The following SPOCK3 variants were observed in gnomAD, a reference collection of about 807,000 sequenced individuals.
SPOCK3 encodes SPARC (osteonectin), cwcv and kazal like domains proteoglycan 3, also known as testican-3.
SPOCK3 carries 30 observed loss-of-function variants against 56.6 expected under a neutral mutation model. That is an observed-to-expected ratio of 0.53 (90% CI 0.40 to 0.72). SPOCK3 has a LOEUF of 0.72. Ranked by LOEUF, SPOCK3 falls within the 30% of genes least tolerant of loss-of-function variation. The pLI is 0.00. For synonymous variants in SPOCK3, 196 were observed against 183.3 expected (o/e 1.07, Z -0.56); for missense variants, 527 against 530.0 (o/e 0.99, Z 0.06).
At chr4:167,055,812 G>A (rs1754757974) in intron 3 of SPOCK3, among the ~76,000 whole-genome samples, 1 of 152,200 alleles carries the variant, frequency 6.6e-6, no homozygotes, top group Admixed American at 6.5e-5. Flanking sequence ...CTTGAACTGG[G>A]TGGAGCCCAC....
At chr4:167,163,125 C>G (rs999873873) in intron 2 of SPOCK3, among the ~76,000 whole-genome samples, 1 of 146,676 alleles carries the variant, frequency 6.8e-6, no homozygotes, top group Non-Finnish European at 1.5e-5. Flanking sequence ...TTTTGTACTA[C>G]TTGAATGCAA....
chr4:167,002,867 T>G (rs1749084367), intron 3 of SPOCK3, among the ~76,000 whole-genome samples: 1 of 152,198 alleles, frequency 6.6e-6, no homozygotes, highest in Non-Finnish European at 1.5e-5. Flanking sequence ...CTAAAATCAC[T>G]TTTTAAAATT....
chr4:167,106,564 T>C (rs764933473), intron 2 of SPOCK3, among the ~76,000 whole-genome samples: 2 of 151,574 alleles, frequency 1.3e-5, no homozygotes, highest in Non-Finnish European at 3.0e-5. Flanking sequence ...AATGTAATGA[T>C]GTATCTTAAA....
At chr4:167,233,914 T>A in intron 2 of SPOCK3, 71 bp downstream of exon 2, 1 of 1,378,208 alleles carries the variant, frequency 7.3e-7, no homozygotes, top group Non-Finnish European at 1.0e-6. Context: ...CCCACCCACA[T>A]CCGGCGGCCG....
chr4:167,017,562 T>C (rs1250594977), intron 3 of SPOCK3, among the ~76,000 whole-genome samples: 3 of 152,086 alleles, frequency 2.0e-5, no homozygotes, highest in Admixed American at 2.0e-4. Flanking sequence ...ATGCCCACCT[T>C]ACACCCAGAC....
At chr4:166,976,732 T>C (rs1745991394) in intron 4 of SPOCK3, among the ~76,000 whole-genome samples, 1 of 152,120 alleles carries the variant, frequency 6.6e-6, no homozygotes, top group South Asian at 2.1e-4. Flanking sequence ...CACAAAGAAT[T>C]GCTCAATAAA....
intron 6 of SPOCK3, among the ~76,000 whole-genome samples, chr4:166,794,639 C>CT (rs1741720609): frequency 7.2e-6 from 1 of 139,016 alleles, no homozygotes; most frequent in African/African-American, 2.7e-5. Flanking sequence ...TTCTTTCTTT[C>CT]TTTCTTTTTT....
intron 7 of SPOCK3, among the ~76,000 whole-genome samples, chr4:166,767,400 A>G (rs369255126): frequency 5.3e-5 from 8 of 151,822 alleles, no homozygotes; most frequent in African/African-American, 1.5e-4. Context: ...CTTTGTTCTC[A>G]CTGGTTTCAA....
intron 6 of SPOCK3, among the ~76,000 whole-genome samples, chr4:166,836,277 A>G (rs1746610193): frequency 6.6e-6 from 1 of 152,214 alleles, no homozygotes. Context: ...CAGTGCAAGA[A>G]TAATATAACA....
intron 4 of SPOCK3, among the ~76,000 whole-genome samples, chr4:166,979,563 C>T (rs1746353740): frequency 6.6e-6 from 1 of 152,060 alleles, no homozygotes; most frequent in Non-Finnish European, 1.5e-5. Context: ...TACTTCTGTG[C>T]AGAACAAAAC....
chr4:166,763,862 C>T (rs13127151), intron 7 of SPOCK3, among the ~76,000 whole-genome samples: 50,201 of 151,986 alleles, frequency 0.33, 8,463 homozygotes, highest in Admixed American at 0.42. Flanking sequence ...TCTTAAGTAA[C>T]ATCAATTCAT....
At chr4:166,987,615 T>A (rs1340210016) in intron 4 of SPOCK3, among the ~76,000 whole-genome samples, 2 of 152,144 alleles carry the variant, frequency 1.3e-5, no homozygotes, top group African/African-American at 2.4e-5. Flanking sequence ...AGTAAATGAA[T>A]GCAATAGAAA....
At chr4:166,752,060 A>C (rs1736439095) in intron 8 of SPOCK3, among the ~76,000 whole-genome samples, 1 of 151,926 alleles carries the variant, frequency 6.6e-6, no homozygotes, top group African/African-American at 2.4e-5. Context: ...GTAGGGTCTC[A>C]CTCTGGTACT....
chr4:167,140,475 T>A (rs1381717499), intron 2 of SPOCK3, among the ~76,000 whole-genome samples: 1 of 152,026 alleles, frequency 6.6e-6, no homozygotes, highest in African/African-American at 2.4e-5. Flanking sequence ...CAATACTGTA[T>A]AGTTATACTA....
At chr4:167,001,113 C>G (rs1000963481) in intron 3 of SPOCK3, among the ~76,000 whole-genome samples, 1 of 152,152 alleles carries the variant, frequency 6.6e-6, no homozygotes, top group Non-Finnish European at 1.5e-5. Context: ...CATTTTATAA[C>G]ATCTTTATTT....
intron 2 of SPOCK3, among the ~76,000 whole-genome samples, chr4:167,186,287 T>C (rs1428816768): frequency 1.3e-5 from 2 of 152,292 alleles, no homozygotes; most frequent in Non-Finnish European, 2.9e-5. Context: ...AAATACATAT[T>C]CCAGCTTTAC....
intron 2 of SPOCK3, among the ~76,000 whole-genome samples, chr4:167,213,878 C>G (rs943900134): frequency 6.6e-6 from 1 of 152,082 alleles, no homozygotes; most frequent in East Asian, 1.9e-4. Context: ...TTGTAAACGT[C>G]AAGGTGGCAT....
chr4:166,766,123 T>C (rs1738002774), intron 7 of SPOCK3, among the ~76,000 whole-genome samples: 2 of 152,192 alleles, frequency 1.3e-5, no homozygotes, highest in South Asian at 4.1e-4. Flanking sequence ...TACAATCATG[T>C]CATCTGCAAA....
At chr4:166,988,826 T>C (rs1471983064) in intron 4 of SPOCK3, among the ~76,000 whole-genome samples, 1 of 152,100 alleles carries the variant, frequency 6.6e-6, no homozygotes, top group East Asian at 1.9e-4. Context: ...ACATGTAAAA[T>C]ACCTACAAAT....
Sources: allele counts gnomAD v4.1 joint callset (sites outside exome capture counted in the v4.1 genomes callset), GRCh38; gene constraint gnomAD v4.1.1; transcripts MANE v1.5; gene names NCBI Gene and HGNC (gene_info 2026-07-23, HGNC 2026-07-21).